The following OLFML2A variants were observed in gnomAD, a reference collection of about 807,000 sequenced individuals.
The protein encoded by OLFML2A is olfactomedin like 2A, also known as olfactomedin-like protein 2A.
OLFML2A carries 47 observed loss-of-function variants against 60.9 expected under a neutral mutation model. That is an observed-to-expected ratio of 0.77 (90% CI 0.61 to 0.98). The LOEUF (loss-of-function observed/expected upper bound fraction) is 0.98. OLFML2A is among the 50% of genes least tolerant of loss of function. The pLI, the probability that OLFML2A is intolerant of heterozygous loss-of-function variation, is 0.00. For synonymous variants in OLFML2A, 372 were observed against 375.0 expected (o/e 0.99, Z 0.09); for missense variants, 922 against 879.8 (o/e 1.05, Z -0.61).
In OLFML2A at chr9:124,807,862, C is replaced by T. The variant is rs547560612; in HGVS notation, c.1250C>T (p.Ala417Val). The part of the protein sequence containing the change: ...RHHSYGRHEG[A>V]WMKDPAARDD... Reference sequence around the variant, plus strand: ...CACAGCTATGGGCGCCACGAGGGAGCCTGGATGAAGGACCCTGCAGCTCGA... The same window carrying T: ...CACAGCTATGGGCGCCACGAGGGAGTCTGGATGAAGGACCCTGCAGCTCGA... The change falls in exon 7 of 8, where the codon GCC becomes GTC. Residue 417 changes from alanine (A) to valine (V), a missense_variant. Ala to Val is a moderately conservative substitution (Grantham distance 64). Transcript: ENST00000373580. 2 of 1,614,044 alleles carry T rather than the reference C, an allele frequency of 1.2e-6. No homozygotes were observed. The highest frequency in any genetic ancestry group is 4.5e-5 in the East Asian group (2 of 44,866).
chr9:124,789,578 G>A (rs754772562), intron 2 of OLFML2A, among the ~76,000 whole-genome samples: 1 of 152,116 alleles, frequency 6.6e-6, no homozygotes, highest in Non-Finnish European at 1.5e-5. Flanking sequence ...CTTTCTTCTG[G>A]AAGGAAACAG....
chr9:124,787,622 C>G (rs746734399), intron 2 of OLFML2A, among the ~76,000 whole-genome samples: 1 of 150,998 alleles, frequency 6.6e-6, no homozygotes, highest in Non-Finnish European at 1.5e-5. Flanking sequence ...TGCAGTGGCA[C>G]GATCTCGGCT....
rs777432837 is a variant in OLFML2A, at chr9:124,799,477, G to T, written c.655G>T (p.Gly219Cys). 2 of 1,598,564 alleles carry T rather than the reference G, an allele frequency of 1.3e-6. No individual in the cohort carries two copies. ...AAPATPATGTGSKAQDTARGK... is the reference protein window; with the variant it reads ...AAPATPATGTCSKAQDTARGK... ...CCCTGCCACCCCTGCCACGGGCACT[G>T]GTAGCAAGGCCCAGGTGAGGCCCCA... The change falls in exon 4 of 8, where the codon GGT (glycine) becomes TGT (cysteine). Residue 219 changes from glycine (G) to cysteine (C), a missense_variant. Gly to Cys is a radical substitution (Grantham distance 159). Coordinates refer to ENST00000373580, the MANE Select transcript of OLFML2A (RefSeq NM_182487.4).
intron 3 of OLFML2A, 91 bp downstream of exon 3, chr9:124,795,222 C>A: frequency 1.5e-6 from 1 of 675,584 alleles, no homozygotes; most frequent in Non-Finnish European, 2.6e-6. Flanking sequence ...CCAGGCTTCA[C>A]CCTGGTGACC....
At position 124,810,441 on chromosome 9, in the gene OLFML2A, C is replaced by T; in HGVS notation, c.*29C>T. ...GAGACCTGTGCTCCCCGGAGAGGGG[C>T]AGCAGTGCGGGAGGGGCTTTGCACA... On this transcript the variant is annotated 3_prime_UTR_variant, in exon 8 of 8. Coordinates refer to ENST00000373580, the MANE Select transcript of OLFML2A (RefSeq NM_182487.4). 1.3e-6 allele frequency: 2 copies of T among 1,567,464 alleles called. No individual in the cohort carries two copies. The highest frequency in any genetic ancestry group is 1.7e-6 in the Non-Finnish European group (2 of 1,160,830).
At chr9:124,782,114 G>C (rs1317140628) in intron 1 of OLFML2A, among the ~76,000 whole-genome samples, 5 of 152,354 alleles carry the variant, frequency 3.3e-5, no homozygotes, top group African/African-American at 1.2e-4. Flanking sequence ...CCTAGTAGGA[G>C]CCTCAGGTTC....
At chr9:124,798,228 G>A (rs1204527795) in intron 3 of OLFML2A, among the ~76,000 whole-genome samples, 1 of 152,232 alleles carries the variant, frequency 6.6e-6, no homozygotes, top group Admixed American at 6.5e-5. Context: ...ATGGGCAGGG[G>A]TGGTGGCTCA....
At position 124,807,975 on chromosome 9, in the gene OLFML2A, C is replaced by T. The variant is rs757608684; in HGVS notation, c.1354+9C>T. Reference sequence around the variant, plus strand: ...GGAAAACTTCAAGCAAGGTCAGGGACCCCCGGAGGTGGAGAGGGGGCTGGG... The same window carrying T: ...GGAAAACTTCAAGCAAGGTCAGGGATCCCCGGAGGTGGAGAGGGGGCTGGG... On this transcript the variant is annotated intron_variant, in intron 7 of 7. Coordinates refer to ENST00000373580, the MANE Select transcript of OLFML2A (RefSeq NM_182487.4). 1.2e-6 allele frequency: 2 copies of T among 1,610,856 alleles called. No homozygotes were observed. Among genetic ancestry groups the T allele is most frequent in the Non-Finnish European group, 1.7e-6 (2 of 1,177,546 alleles).
intron 4 of OLFML2A, chr9:124,800,881 T>C (rs888781977): frequency 6.6e-7 from 1 of 1,510,166 alleles, no homozygotes; most frequent in Non-Finnish European, 8.9e-7. Flanking sequence ...TGGCATATCC[T>C]AGAGGTTGGG....
intron 2 of OLFML2A, among the ~76,000 whole-genome samples, chr9:124,787,844 C>T (rs1324912515): frequency 2.0e-5 from 3 of 151,876 alleles, no homozygotes; most frequent in African/African-American, 7.3e-5. Flanking sequence ...GAAGCATGAG[C>T]CACCGTGCCC....
intron 1 of OLFML2A, among the ~76,000 whole-genome samples, chr9:124,782,157 A>G (rs977039791): frequency 6.6e-6 from 1 of 152,184 alleles, no homozygotes; most frequent in Non-Finnish European, 1.5e-5. Context: ...CTACAGACCC[A>G]TCTGTCCCAG....
intron 2 of OLFML2A, among the ~76,000 whole-genome samples, chr9:124,794,722 A>G (rs958348933): frequency 6.6e-6 from 1 of 152,128 alleles, no homozygotes; most frequent in African/African-American, 2.4e-5. Context: ...TCTGGGTTCA[A>G]GCAATTCTCC....
In OLFML2A at chr9:124,795,070, A is replaced by C; in HGVS notation, c.401A>C (p.Asp134Ala). 1.2e-6 allele frequency: 2 copies of C among 1,609,910 alleles called. No homozygotes were observed. Among genetic ancestry groups the C allele is most frequent in the Non-Finnish European group, 1.7e-6 (2 of 1,178,012 alleles). ...CTGGAGGGCACCCTGTACAGCATGGACTTGATGAAGGTGCACGCCTACGTC... is the reference window on the plus strand; with the variant it reads ...CTGGAGGGCACCCTGTACAGCATGGCCTTGATGAAGGTGCACGCCTACGTC... ...DLLEGTLYSM[D>A]LMKVHAYVHK... The change falls in exon 3 of 8, where the codon GAC becomes GCC. Residue 134 changes from aspartate (D) to alanine (A), a missense_variant. Asp to Ala is a moderately radical substitution (Grantham distance 126, BLOSUM62 -2). Coordinates refer to ENST00000373580, the MANE Select transcript of OLFML2A (RefSeq NM_182487.4).
rs896593862 is a variant in OLFML2A at position 124,779,552 on chromosome 9, G to A, written c.90+2192G>A. ...TAGGTTGTGTGTGTGTGTGGTGGGG[G>A]GGGGGTGTTTAGCTGTCCCAGGACA... On this transcript the variant is annotated intron_variant, in intron 1 of 7. Transcript: ENST00000373580. This position sits in a 1 kb window ranked among gnomAD's most constrained non-coding sequence, Gnocchi z 4.1. Among the ~76,000 whole-genome samples the A allele has an allele frequency of 6.6e-6, 1 of 151,146 alleles. No homozygotes were observed.
In OLFML2A at chr9:124,813,743, G is replaced by A. The variant is rs1365744256; in HGVS notation, c.*3331G>A. On this transcript the variant is annotated 3_prime_UTR_variant, in exon 8 of 8. Transcript: ENST00000373580. Reference sequence around the variant, plus strand: ...TTTACAGAGAAAAAATTCTAAGACAGTTGGATGTTGTCCTGTTGGTGAGGA... The same window carrying A: ...TTTACAGAGAAAAAATTCTAAGACAATTGGATGTTGTCCTGTTGGTGAGGA... 1 of 152,242 alleles carries A rather than the reference G, an allele frequency of 6.6e-6. No homozygotes were observed. Among genetic ancestry groups the A allele is most frequent in the African/African-American group, 2.4e-5 (1 of 41,460 alleles). 9.4% of individuals were successfully genotyped at this position (152,242 alleles called of 1,614,324 possible).
intron 4 of OLFML2A, chr9:124,800,750 G>T (rs940554142): frequency 2.9e-6 from 3 of 1,026,634 alleles, no homozygotes; most frequent in East Asian, 4.8e-5. Flanking sequence ...TGTACTTGCC[G>T]TATCTGCTGG....
Position 124,779,851 on chromosome 9 carries a change from G to A in OLFML2A, c.90+2491G>A, listed in dbSNP as rs1841328706. 6.6e-6 allele frequency among the ~76,000 whole-genome samples: 1 copy of A among 152,188 alleles called. No individual in the cohort carries two copies. Among genetic ancestry groups the A allele is most frequent in the Admixed American group, 6.5e-5 (1 of 15,270 alleles). On this transcript the variant is annotated intron_variant, in intron 1 of 7. Transcript: ENST00000373580. The surrounding 1 kb of genome is among the most constrained non-coding windows in gnomAD (Gnocchi z 4.1). Reference sequence around the variant, plus strand: ...TCCAAGCCCATTCCGTTTTCCCTGGGGTGGAGGATGAGCCCTTCGGAGGGC... The same window carrying A: ...TCCAAGCCCATTCCGTTTTCCCTGGAGTGGAGGATGAGCCCTTCGGAGGGC...
Position 124,804,227 on chromosome 9 carries a change from T to A in OLFML2A, c.1053T>A (p.Ala351=), listed in dbSNP as rs1012748134. 1.1e-5 allele frequency: 17 copies of A among 1,613,690 alleles called. No individual in the cohort carries two copies. The highest frequency in any genetic ancestry group is 1.4e-5 in the Non-Finnish European group (17 of 1,179,936). Residue 351 remains alanine, a synonymous_variant, in exon 6 of 8, where the codon GCT becomes GCA. Transcript: ENST00000373580. ...EPRSSERVDL[A]SGTPTSIPAT... ...GGTCCTCCGAGCGAGTGGACCTGGC[T>A]TCTGGCACCCCCACTTCAATCCCTG... is the stretch of plus-strand genomic sequence containing the variant.
chr9:124,804,004 C>A, intron 5 of OLFML2A, 90 bp from the exon 6 acceptor site: 1 of 1,455,200 alleles, frequency 6.9e-7, no homozygotes, highest in Middle Eastern at 1.8e-4. Context: ...TCCCTGAGGG[C>A]CCCTGAGATG....
Sources: allele counts gnomAD v4.1 joint callset (sites outside exome capture counted in the v4.1 genomes callset), GRCh38; gene constraint gnomAD v4.1.1; non-coding constraint Gnocchi (gnomAD v3.1); transcripts MANE v1.5; gene names NCBI Gene and HGNC (gene_info 2026-07-23, HGNC 2026-07-21).